SEPTIN5: variants seen among roughly 807,000 people sequenced by gnomAD.
The protein encoded by SEPTIN5 is septin 5, also known as septin-5.
SEPTIN5 carries 16 observed loss-of-function variants against 51.2 expected under a neutral mutation model. The observed-to-expected ratio is 0.31, with a 90% confidence interval of 0.21 to 0.47. The LOEUF (loss-of-function observed/expected upper bound fraction) is 0.47, where lower values mean the gene tolerates loss of function less well. SEPTIN5 is among the 20% of genes least tolerant of loss of function. The pLI is 0.99. For synonymous variants in SEPTIN5, 208 were observed against 191.2 expected (o/e 1.09, Z -0.72); for missense variants, 376 against 500.3 (o/e 0.75, Z 2.37).
intron 2 of SEPTIN5, chr22:19,718,515 C>T (rs1601239781): frequency 7.9e-7 from 1 of 1,266,764 alleles, no homozygotes. Context: ...AGCTTGGGGC[C>T]AGTTCGCCCA....
In SEPTIN5 at chr22:19,722,605, A is replaced by C; in HGVS notation, c.*121A>C. ...CCCCAGCTGACCCTAATTTATTCTC[A>C]GCACCACCCCCTCCCAGGTCATTGT... On this transcript the variant is annotated 3_prime_UTR_variant, in exon 12 of 12. Coordinates refer to ENST00000455784, the MANE Select transcript of SEPTIN5 (RefSeq NM_002688.6). 7.9e-6 allele frequency: 8 copies of C among 1,015,238 alleles called. No homozygotes were observed. The highest frequency in any genetic ancestry group is 1.5e-5 in the South Asian group (1 of 68,048). 62.9% of individuals were successfully genotyped at this position (1,015,238 alleles called of 1,614,324 possible).
chr22:19,720,732 C>T, intron 7 of SEPTIN5, 36 bp from the exon 8 acceptor site: 1 of 1,612,194 alleles, frequency 6.2e-7, no homozygotes, highest in Non-Finnish European at 8.5e-7. Flanking sequence ...GGGGACTTGT[C>T]TGGCCTCAAA....
intron 2 of SEPTIN5, chr22:19,718,086 C>G (rs958283481): frequency 6.6e-6 from 1 of 152,200 alleles, no homozygotes; most frequent in East Asian, 1.9e-4. Flanking sequence ...GGCGGGTACC[C>G]GCGCTGTTGC....
At chr22:19,720,980 T>C (rs931326696) in intron 8 of SEPTIN5, 111 bp downstream of exon 8, 3 of 908,938 alleles carry the variant, frequency 3.3e-6, no homozygotes, top group Admixed American at 2.0e-5. Flanking sequence ...GTCAGCCCAG[T>C]TGGGTGCAAG....
intron 2 of SEPTIN5, among the ~76,000 whole-genome samples, chr22:19,716,344 G>A (rs1350046334): frequency 1.3e-5 from 2 of 152,236 alleles, no homozygotes; most frequent in East Asian, 3.8e-4. Flanking sequence ...TTTGCTCTTT[G>A]AAAGGGGGCT....
At chr22:19,716,673 C>G (rs1047097381) in intron 2 of SEPTIN5, among the ~76,000 whole-genome samples, 2 of 152,180 alleles carry the variant, frequency 1.3e-5, no homozygotes, top group African/African-American at 4.8e-5. Context: ...GTGGGTTGAA[C>G]GCTGAGAGTG....
rs1170238893 is a variant in SEPTIN5 at position 19,722,296 on chromosome 22, C to G, written c.1010C>G (p.Pro337Arg). 6.2e-7 allele frequency: 1 copy of G among 1,611,670 alleles called. No homozygotes were observed. Among genetic ancestry groups the G allele is most frequent in the South Asian group, 1.1e-5 (1 of 90,970 alleles). ...SPIPILPLPT[P>R]DAETEKLIRM... ...ATCCCGATCCTGCCGCTGCCCACCC[C>G]GGACGCCGAGACTGAGAAGCTTATC... Residue 337 changes from proline to arginine, a missense_variant, in exon 11 of 12, where the codon CCG becomes CGG. Pro to Arg is a moderately radical substitution (Grantham distance 103). This residue lies in a region of SEPTIN5 where 89 missense variants were observed against 83.3 expected (regional missense o/e 1.07). Coordinates refer to ENST00000455784, the MANE Select transcript of SEPTIN5 (RefSeq NM_002688.6).
intron 2 of SEPTIN5, chr22:19,717,422 C>T: frequency 2.2e-6 from 1 of 459,668 alleles, no homozygotes; most frequent in Middle Eastern, 3.4e-4. Flanking sequence ...CTCCCAGTCC[C>T]TCCAATCCTG....
At chr22:19,715,503 G>A (rs1426988044) in intron 2 of SEPTIN5, among the ~76,000 whole-genome samples, 1 of 152,260 alleles carries the variant, frequency 6.6e-6, no homozygotes, top group African/African-American at 2.4e-5. Context: ...TGAGGCCCCT[G>A]GGGTGGGGCG....
Position 19,720,585 on chromosome 22 carries a change from G to T in SEPTIN5, c.534G>T (p.Leu178Phe). 1.2e-6 allele frequency: 2 copies of T among 1,613,046 alleles called. No individual in the cohort carries two copies. Among genetic ancestry groups the T allele is most frequent in the Non-Finnish European group, 1.7e-6 (2 of 1,180,028 alleles). ...RPVDVGFMKA[L>F]HEKVNIVPLI... is the part of the protein sequence containing the mutation. ...TGGATGTGGGTTTCATGAAGGCATTGCATGAGAAGGTCAACATCGTGCCTC... is the reference window on the plus strand; with the variant it reads ...TGGATGTGGGTTTCATGAAGGCATTTCATGAGAAGGTCAACATCGTGCCTC... Residue 178 changes from leucine to phenylalanine, a missense_variant, in exon 7 of 12, where the codon TTG becomes TTT. Physicochemically the swap from Leu to Phe is conservative, Grantham distance 22 (BLOSUM62 0). Coordinates refer to ENST00000455784, the MANE Select transcript of SEPTIN5 (RefSeq NM_002688.6).
At chr22:19,719,744 A>G in intron 3 of SEPTIN5, 46 bp downstream of exon 3, 1 of 1,611,640 alleles carries the variant, frequency 6.2e-7, no homozygotes, top group Non-Finnish European at 8.5e-7. Context: ...GTCACTGGCC[A>G]GCCAAGCTCT....
chr22:19,722,205 GCCCCGCCCATCCTCCC>G lies in SEPTIN5; in HGVS notation c.951-23_951-8del. 1.4e-6 allele frequency: 2 copies of G among 1,390,352 alleles called. No homozygotes were observed. Among genetic ancestry groups the G allele is most frequent in the Non-Finnish European group, 2.0e-6 (2 of 1,015,854 alleles). The allele number at this position is 1,390,352 out of a possible 1,614,324, so 86.1% of individuals were successfully genotyped here. A position where few individuals can be genotyped will look rare whatever the true frequency, so the allele number is the denominator to read the frequency against. On this transcript the variant is annotated splice_polypyrimidine_tract_variant and intron_variant, in intron 10 of 11. Coordinates refer to ENST00000455784, the MANE Select transcript of SEPTIN5 (RefSeq NM_002688.6). The stretch of plus-strand genomic sequence containing the variant: ...CCACGCTGAGCCTCCCGGTGGCGCC[GCCCCGCCCATCCTCCC>G]CCCCGCCCCGCGCAGCAAACTGACC...
In SEPTIN5 at chr22:19,714,623, C is replaced by T. The variant is rs1432426676; in HGVS notation, c.35C>T (p.Ala12Val). 4.0e-6 allele frequency: 6 copies of T among 1,505,666 alleles called. No homozygotes were observed. Among genetic ancestry groups the T allele is most frequent in the East Asian group, 2.7e-5 (1 of 37,568 alleles). The allele number at this position is 1,505,666 out of a possible 1,614,324, so 93.3% of individuals were successfully genotyped here. A position where few individuals can be genotyped will look rare whatever the true frequency, so the allele number is the denominator to read the frequency against. The change falls in exon 1 of 12, where the codon GCG becomes GTG. Residue 12 changes from alanine (A) to valine (V), a missense_variant. This residue lies in a region of SEPTIN5 where 287 missense variants were observed against 417.1 expected (regional missense o/e 0.69). Coordinates refer to ENST00000455784, the MANE Select transcript of SEPTIN5 (RefSeq NM_002688.6). This position sits in a 1 kb window ranked among gnomAD's most constrained non-coding sequence, Gnocchi z 5.2. ...STGLRYKSKL[A>V]TPEDKQDIDK... is the part of the protein sequence containing the mutation. ...GGCCTGCGGTACAAGAGCAAGCTGG[C>T]GACCCCAGGTGAGCCCAGCGCCTGC...
At chr22:19,722,073 C>T (rs911150986) in intron 10 of SEPTIN5, 116 bp downstream of exon 10, 27 of 1,311,652 alleles carry the variant, frequency 2.1e-5, no homozygotes, top group East Asian at 7.5e-5. Context: ...TTCCCTAAGC[C>T]CCCCCCCTCC....
Position 19,720,863 on chromosome 22 carries a change from A to G in SEPTIN5, c.711A>G (p.Glu237=), listed in dbSNP as rs1223453363. ...AGGACTTCAAGCAGCAGGACCGGGAACTGAAGGTGAACATGCAGACTGGTG... is the reference window on the plus strand; with the variant it reads ...AGGACTTCAAGCAGCAGGACCGGGAGCTGAAGGTGAACATGCAGACTGGTG... The part of the protein sequence containing the change: ...EDEDFKQQDR[E]LKESAPFAVI... The change falls in exon 8 of 12, where the codon GAA becomes GAG. Residue 237 remains glutamate (E), a synonymous_variant. Transcript: ENST00000455784. 1.2e-6 allele frequency: 2 copies of G among 1,613,352 alleles called. No homozygotes were observed. The highest frequency in any genetic ancestry group is 1.7e-6 in the Non-Finnish European group (2 of 1,179,800).
intron 5 of SEPTIN5, 26 bp downstream of exon 5, chr22:19,720,264 C>T: frequency 1.2e-6 from 2 of 1,613,492 alleles, no homozygotes; most frequent in South Asian, 1.1e-5. Flanking sequence ...TGAGAAAGGC[C>T]TTGCCTAGGC....
chr22:19,718,667 G>A, intron 2 of SEPTIN5: 1 of 1,288,328 alleles, frequency 7.8e-7, no homozygotes, highest in South Asian at 3.3e-5. Context: ...GTCCCTCGCT[G>A]TCGCCGGGCT....
intron 2 of SEPTIN5, chr22:19,718,569 C>T (rs893967687): frequency 4.7e-6 from 6 of 1,289,404 alleles, no homozygotes; most frequent in Non-Finnish European, 5.9e-6. Context: ...GACGATCCCC[C>T]GGGTAGGCGA....
chr22:19,718,792 C>T (rs1202932384), intron 2 of SEPTIN5: 3 of 1,237,078 alleles, frequency 2.4e-6, no homozygotes, highest in Non-Finnish European at 3.0e-6. Context: ...GCTGTCGCCG[C>T]GGACCCAGGC....
Sources: gnomAD v4.1 joint callset for allele counts (sites outside exome capture counted in the v4.1 genomes callset) on GRCh38, gnomAD v4.1.1 for gene constraint, gnomAD v4.1.1 regional missense constraint, Gnocchi (gnomAD v3.1) non-coding constraint, MANE v1.5 for transcripts, NCBI Gene and HGNC (gene_info 2026-07-23, HGNC 2026-07-21) for gene names.